The following NUF2 variants were observed in gnomAD, a reference collection of about 807,000 sequenced individuals.
The protein encoded by NUF2 is kinetochore protein Nuf2.
A neutral mutation model predicts 61.8 loss-of-function variants in NUF2; 34 were observed. The observed-to-expected ratio is 0.55, with a 90% confidence interval of 0.42 to 0.73. The LOEUF (loss-of-function observed/expected upper bound fraction) is 0.73, where lower values mean the gene tolerates loss of function less well. Ranked by LOEUF, NUF2 falls within the 30% of genes least tolerant of loss-of-function variation. The pLI, the probability that NUF2 is intolerant of heterozygous loss-of-function variation, is 0.00. For missense variants in NUF2, 445 were observed against 539.1 expected (o/e 0.83, Z 1.73); for synonymous variants, 172 against 181.6 (o/e 0.95, Z 0.42).
intron 1 of NUF2, among the ~76,000 whole-genome samples, chr1:163,324,117 A>G (rs1434014909): frequency 6.6e-6 from 1 of 152,226 alleles, no homozygotes; most frequent in East Asian, 1.9e-4. Context: ...AAACAATGTC[A>G]TATAAGGAGT....
chr1:163,327,530 G>T lies in NUF2; in HGVS notation c.166G>T (p.Val56Leu), dbSNP rs142683655. Residue 56 changes from valine to leucine, a missense_variant, in exon 3 of 14, where the codon GTA becomes TTA. Transcript: ENST00000271452. Reference protein sequence around the residue: ...HMIYMRALQIVYGIRLEHFYM... With the variant: ...HMIYMRALQILYGIRLEHFYM... ...GATCTACATGAGAGCCTTACAAATA[G>T]TATATGGAATTCGACTGGAACATTT... 1 of 1,612,468 alleles carries T rather than the reference G, an allele frequency of 6.2e-7. No individual in the cohort carries two copies. The highest frequency in any genetic ancestry group is 1.7e-5 in the Admixed American group (1 of 59,988).
chr1:163,346,868 A>G (rs757666135), intron 11 of NUF2, among the ~76,000 whole-genome samples: 3 of 149,956 alleles, frequency 2.0e-5, no homozygotes, highest in Non-Finnish European at 3.0e-5. Flanking sequence ...CACACACACA[A>G]ACATCCAGGG....
intron 2 of NUF2, among the ~76,000 whole-genome samples, chr1:163,327,130 A>G (rs577116323): frequency 1.9e-4 from 21 of 109,260 alleles, no homozygotes; most frequent in African/African-American, 6.2e-4. Flanking sequence ...ACACACACAC[A>G]CACACACACA....
intron 4 of NUF2, 131 bp downstream of exon 4, chr1:163,328,435 C>G (rs1206368460): frequency 7.2e-6 from 4 of 552,356 alleles, no homozygotes; most frequent in Non-Finnish European, 1.2e-5. Flanking sequence ...CATATACATT[C>G]ATTCAAACTT....
Position 163,327,228 on chromosome 1 carries a change from G to T in NUF2, c.124-260G>T, listed in dbSNP as rs529841328. 2.1e-4 allele frequency among the ~76,000 whole-genome samples: 32 copies of T among 152,150 alleles called. 1 individual carries two copies. In the South Asian group the frequency reaches 2.7e-3, roughly 13 times the overall value. On this transcript the variant is annotated intron_variant, in intron 2 of 13. Coordinates refer to ENST00000271452, the MANE Select transcript of NUF2 (RefSeq NM_145697.3). Reference sequence around the variant, plus strand: ...TCTTCTTCTATTTCCTAAGGTGGATGGGTTGCTTGGATTGGATTTGGGTAT... The same window carrying T: ...TCTTCTTCTATTTCCTAAGGTGGATTGGTTGCTTGGATTGGATTTGGGTAT...
chr1:163,328,669 A>C (rs1571375888), intron 4 of NUF2, 177 bp from the exon 5 acceptor site: 1 of 526,570 alleles, frequency 1.9e-6, no homozygotes, highest in Non-Finnish European at 3.3e-6. Context: ...TAATATACAG[A>C]AAAAATAGAT....
intron 7 of NUF2, among the ~76,000 whole-genome samples, chr1:163,338,975 G>T (rs1396902238): frequency 6.6e-6 from 1 of 152,154 alleles, no homozygotes; most frequent in Admixed American, 6.5e-5. Context: ...TTATAGAAGA[G>T]ACTTGAACAC....
chr1:163,352,349 A>G (rs1192995684), intron 13 of NUF2, among the ~76,000 whole-genome samples: 1 of 152,244 alleles, frequency 6.6e-6, no homozygotes, highest in Non-Finnish European at 1.5e-5. Context: ...TGCATCAAAT[A>G]TGCCTTGAAT....
chr1:163,324,348 G>A lies in NUF2; in HGVS notation c.-20-1684G>A, dbSNP rs1027198860. Among the ~76,000 whole-genome samples, 31 of 152,090 alleles carry A rather than the reference G, an allele frequency of 2.0e-4. 1 individual carries two copies. On this transcript the variant is annotated intron_variant, in intron 1 of 13. Transcript: ENST00000271452. ...CTATGAGGAAGAGTTATTTAATTTGGAACCATAATAAAGTGGGAAAAAGTT... is the reference window on the plus strand; with the variant it reads ...CTATGAGGAAGAGTTATTTAATTTGAAACCATAATAAAGTGGGAAAAAGTT...
At chr1:163,330,798 T>G (rs2101670358) in intron 5 of NUF2, among the ~76,000 whole-genome samples, 1 of 152,230 alleles carries the variant, frequency 6.6e-6, no homozygotes, top group African/African-American at 2.4e-5. Flanking sequence ...TTGTTAAATT[T>G]ATGCCTAAAT....
chr1:163,341,663 T>C (rs755837676), intron 9 of NUF2, among the ~76,000 whole-genome samples: 4 of 152,124 alleles, frequency 2.6e-5, no homozygotes, highest in Non-Finnish European at 5.9e-5. Flanking sequence ...TCTCACTCTT[T>C]TGCCCAGGTT....
At chr1:163,348,084 A>C in intron 12 of NUF2, 146 bp downstream of exon 12, 1 of 532,444 alleles carries the variant, frequency 1.9e-6, no homozygotes, top group Non-Finnish European at 3.2e-6. Flanking sequence ...ACTAAAACAG[A>C]TGAGTTAATT....
In NUF2 at chr1:163,329,479, A is replaced by C. The variant is rs190852734; in HGVS notation, c.337+572A>C. Among the ~76,000 whole-genome samples the C allele has an allele frequency of 1.2e-4, 18 of 152,294 alleles. No individual in the cohort carries two copies. In the East Asian group the frequency reaches 2.5e-3, roughly 21 times the overall value. On this transcript the variant is annotated intron_variant, in intron 5 of 13. Coordinates refer to ENST00000271452, the MANE Select transcript of NUF2 (RefSeq NM_145697.3). Reference sequence around the variant, plus strand: ...GGATTTAATTGGCTCACAGTTGTGCAGGTTATACAGGAAGCATGATGCTGG... The same window carrying C: ...GGATTTAATTGGCTCACAGTTGTGCCGGTTATACAGGAAGCATGATGCTGG...
intron 9 of NUF2, among the ~76,000 whole-genome samples, chr1:163,342,751 TTC>T (rs1322893585): frequency 1.3e-5 from 2 of 152,068 alleles, no homozygotes; most frequent in African/African-American, 4.8e-5. Context: ...GTGAAAGGCC[TTC>T]TCTCAGCCCA....
intron 5 of NUF2, among the ~76,000 whole-genome samples, chr1:163,333,040 G>A (rs1650648924): frequency 6.6e-6 from 1 of 152,098 alleles, no homozygotes; most frequent in African/African-American, 2.4e-5. Flanking sequence ...TTTCCTGGTT[G>A]TTCTTTGAAC....
At chr1:163,342,450 TGTG>T (rs1203574580) in intron 9 of NUF2, among the ~76,000 whole-genome samples, 2 of 152,166 alleles carry the variant, frequency 1.3e-5, no homozygotes, top group Non-Finnish European at 2.9e-5. Context: ...GAGTAGATAA[TGTG>T]GTGGTTTGCA....
chr1:163,328,148 A>G, intron 3 of NUF2, 80 bp from the exon 4 acceptor site: 1 of 835,568 alleles, frequency 1.2e-6, no homozygotes, highest in African/African-American at 1.7e-5. Flanking sequence ...GTGAGTTAAT[A>G]TATTTTGATC....
chr1:163,351,924 A>G (rs2101693003), intron 13 of NUF2, among the ~76,000 whole-genome samples: 1 of 152,248 alleles, frequency 6.6e-6, no homozygotes, highest in East Asian at 1.9e-4. Flanking sequence ...TTCAATTATT[A>G]TCTTCATTTG....
chr1:163,349,265 A>G (rs1489378432), intron 13 of NUF2, among the ~76,000 whole-genome samples, 185 bp downstream of exon 13: 2 of 152,148 alleles, frequency 1.3e-5, no homozygotes, highest in African/African-American at 4.8e-5. Context: ...CCTAAGTTTA[A>G]TGAGAACAGG....
Sources: gnomAD v4.1 joint callset for allele counts (sites outside exome capture counted in the v4.1 genomes callset) on GRCh38, gnomAD v4.1.1 for gene constraint, MANE v1.5 for transcripts, NCBI Gene and HGNC (gene_info 2026-07-23, HGNC 2026-07-21) for gene names.